Variants in DPH6 observed in about 807,000 individuals in gnomAD.
The protein encoded by DPH6 is diphthine--ammonia ligase.
Under a neutral mutation model 38.2 loss-of-function variants are expected in DPH6, and 33 were observed. The ratio of observed to expected loss-of-function variants is 0.86; its 90% CI spans 0.65 to 1.15. The LOEUF is 1.15. DPH6 is among the 50% of genes most tolerant of loss of function. The pLI is 0.00. For synonymous variants in DPH6, 108 were observed against 103.0 expected (o/e 1.05, Z -0.30); for missense variants, 325 against 320.0 (o/e 1.02, Z -0.12).
intron 3 of DPH6, among the ~76,000 whole-genome samples, chr15:35,339,078 A>G (rs2052399699): frequency 6.6e-6 from 1 of 152,168 alleles, no homozygotes; most frequent in African/African-American, 2.4e-5. Context: ...GATACACCTA[A>G]TGTAAATGAC....
chr15:35,380,546 C>T (rs911540747), intron 7 of DPH6, among the ~76,000 whole-genome samples: 5 of 151,266 alleles, frequency 3.3e-5, no homozygotes, highest in Non-Finnish European at 5.9e-5. Context: ...TATTGCTGTG[C>T]TTTTTTTTTC....
At chr15:35,388,478 GT>G (rs1462993610) in intron 6 of DPH6, among the ~76,000 whole-genome samples, 1 of 151,970 alleles carries the variant, frequency 6.6e-6, no homozygotes, top group African/African-American at 2.4e-5. Flanking sequence ...GTCCTGGACT[GT>G]TTTTATTGGT....
At chr15:35,467,479 T>G (rs2054141475) in intron 3 of DPH6, among the ~76,000 whole-genome samples, 2 of 152,124 alleles carry the variant, frequency 1.3e-5, no homozygotes, top group Admixed American at 1.3e-4. Context: ...GGCAGGAGAA[T>G]CGCCTGAACC....
chr15:35,324,862 TAAC>T (rs1223268050), intron 3 of DPH6, among the ~76,000 whole-genome samples: 1 of 152,188 alleles, frequency 6.6e-6, no homozygotes, highest in Non-Finnish European at 1.5e-5. Context: ...GTGTCTGTCT[TAAC>T]AAAACTGGCT....
At chr15:35,492,092 T>A (rs2054490865) in intron 3 of DPH6, among the ~76,000 whole-genome samples, 1 of 149,332 alleles carries the variant, frequency 6.7e-6, no homozygotes, top group Non-Finnish European at 1.5e-5. Flanking sequence ...TGGTGTAGAT[T>A]CCAGTCCAAG....
chr15:35,432,806 T>G (rs1426069781), intron 5 of DPH6, among the ~76,000 whole-genome samples: 3 of 152,162 alleles, frequency 2.0e-5, no homozygotes, highest in Non-Finnish European at 4.4e-5. Flanking sequence ...GAAAGTCATA[T>G]TGAGTACACA....
chr15:35,352,317 A>T (rs1175918761), intron 3 of DPH6, among the ~76,000 whole-genome samples: 1 of 151,850 alleles, frequency 6.6e-6, no homozygotes, highest in Non-Finnish European at 1.5e-5. Context: ...TTTAGGGTAC[A>T]TGTGCACAAC....
intron 3 of DPH6, among the ~76,000 whole-genome samples, chr15:35,471,495 TCCCTCCA>T (rs1211239532): frequency 6.6e-6 from 1 of 152,198 alleles, no homozygotes; most frequent in Non-Finnish European, 1.5e-5. Context: ...TCAAAATCAA[TCCCTCCA>T]CACCTCCCTA....
intron 3 of DPH6, among the ~76,000 whole-genome samples, chr15:35,317,427 G>A (rs1186511931): frequency 1.3e-5 from 2 of 149,726 alleles, no homozygotes; most frequent in Non-Finnish European, 1.5e-5. Context: ...AGAGGAGGGA[G>A]GGAGGAAGAA....
At chr15:35,154,983 TC>T in the DPH6 span, among the ~76,000 whole-genome samples, 1 of 152,192 alleles carries the variant, frequency 6.6e-6, no homozygotes, top group African/African-American at 2.4e-5. Flanking sequence ...ATGTTCTTTT[TC>T]CCTCAGAACA....
chr15:35,331,689 G>A (rs1025745061), intron 3 of DPH6, among the ~76,000 whole-genome samples: 1 of 152,200 alleles, frequency 6.6e-6, no homozygotes, highest in Non-Finnish European at 1.5e-5. Context: ...GTTGTTTAAT[G>A]ATCTGGGCAG....
chr15:35,440,751 G>C (rs1324067042), intron 5 of DPH6, among the ~76,000 whole-genome samples: 2 of 152,150 alleles, frequency 1.3e-5, no homozygotes, highest in Non-Finnish European at 2.9e-5. Flanking sequence ...GAGCCACCAG[G>C]AATATGTGCC....
chr15:35,401,054 T>A, intron 6 of DPH6: 10 of 893,536 alleles, frequency 1.1e-5, no homozygotes, highest in Non-Finnish European at 1.9e-5. Context: ...ACCTAAGAGA[T>A]TATTTTCAAC....
At chr15:35,237,223 G>A (rs971607254) in intron 3 of DPH6, 27 of 1,019,566 alleles carry the variant, frequency 2.6e-5, no homozygotes, top group African/African-American at 1.3e-4. Flanking sequence ...CTGGGGGCTC[G>A]AGAACTGAGC....
chr15:35,179,303 C>A, the DPH6 span, among the ~76,000 whole-genome samples: 23 of 151,518 alleles, frequency 1.5e-4, no homozygotes, highest in Non-Finnish European at 2.9e-4. Flanking sequence ...CAATTCATCC[C>A]CCAAAATTCA....
In DPH6 at chr15:35,381,853, C is replaced by T; in HGVS notation, c.631G>A (p.Asp211Asn). 1 of 1,613,476 alleles carries T rather than the reference C, an allele frequency of 6.2e-7. No homozygotes were observed. The highest frequency in any genetic ancestry group is 8.5e-7 in the Non-Finnish European group (1 of 1,179,588). ...ATTTTCTTCTTAAATAGAGGGCAAT[C>T]CAAAGTGAAAGTTTCATACTCTCCA... ...EGGEYETFTL[D>N]CPLFKKKIIV... The change falls in exon 7 of 9, where the codon GAT (aspartate) becomes AAT (asparagine). Residue 211 changes from aspartate (D) to asparagine (N), a missense_variant. Coordinates refer to ENST00000256538, the MANE Select transcript of DPH6 (RefSeq NM_080650.4).
chr15:35,195,078 C>G, the DPH6 span, among the ~76,000 whole-genome samples: 1 of 152,184 alleles, frequency 6.6e-6, no homozygotes, highest in African/African-American at 2.4e-5. Flanking sequence ...TTTCTCCACA[C>G]CCTTCCTGGC....
At chr15:35,384,948 G>C (rs1382423429) in intron 6 of DPH6, among the ~76,000 whole-genome samples, 2 of 152,054 alleles carry the variant, frequency 1.3e-5, no homozygotes, top group East Asian at 3.9e-4. Flanking sequence ...CCATCAAAAA[G>C]TAGGTGAAGG....
At chr15:35,249,959 C>T (rs988679000) in intron 3 of DPH6, among the ~76,000 whole-genome samples, 3 of 151,732 alleles carry the variant, frequency 2.0e-5, no homozygotes, top group Admixed American at 1.3e-4. Flanking sequence ...GTCAGGAGAT[C>T]GAAACCATCC....
Sources: gnomAD v4.1 joint callset for allele counts (sites outside exome capture counted in the v4.1 genomes callset) on GRCh38, gnomAD v4.1.1 for gene constraint, MANE v1.5 for transcripts, NCBI Gene and HGNC (gene_info 2026-07-23, HGNC 2026-07-21) for gene names.